Variants in RHBDF2 observed in about 807,000 individuals in gnomAD.
RHBDF2 encodes the protein inactive rhomboid protein 2.
In RHBDF2, 38 loss-of-function variants were observed where a neutral mutation model predicts 95.2. The observed-to-expected ratio is 0.40, with a 90% CI of 0.31 to 0.52. The LOEUF is 0.52. RHBDF2 is among the 20% of genes least tolerant of loss of function. The pLI, the probability that RHBDF2 is intolerant of heterozygous loss-of-function variation, is 0.56. For synonymous variants in RHBDF2, 442 were observed against 462.0 expected, an observed-to-expected ratio of 0.96 and a Z score of 0.55; for missense variants, 863 against 1,137.7, an observed-to-expected ratio of 0.76 and a Z score of 3.47.
chr17:76,492,007 C>A (rs1339120838), intron 1 of RHBDF2, among the ~76,000 whole-genome samples: 1 of 152,202 alleles, frequency 6.6e-6, no homozygotes, highest in Non-Finnish European at 1.5e-5. Flanking sequence ...CTCTCTAAGA[C>A]CCCCAGGCCC....
intron 2 of RHBDF2, among the ~76,000 whole-genome samples, chr17:76,486,961 T>C: frequency 6.9e-6 from 1 of 144,032 alleles, no homozygotes; most frequent in Non-Finnish European, 1.5e-5. Flanking sequence ...CCTTTTTTTT[T>C]TTTTTTTTTT....
chr17:76,478,880 A>G lies in RHBDF2; in HGVS notation c.598T>C (p.Tyr200His). ...LTSFTSVRSG[Y>H]SHLPRRKRMS... ...CTCTTGCGGCGTGGCAGGTGGGAGT[A>G]GCCAGAACGGACACTGGTGAAGGAG... Residue 200 changes from tyrosine to histidine, a missense_variant, in exon 6 of 19, where the codon TAC becomes CAC. Tyr to His is a moderately conservative substitution (Grantham distance 83). This residue lies in a region of RHBDF2 where 611 missense variants were observed against 725.5 expected (regional missense o/e 0.84). Coordinates refer to ENST00000675367, the MANE Select transcript of RHBDF2 (RefSeq NM_001005498.4). 2.5e-6 allele frequency: 4 copies of G among 1,613,214 alleles called. No individual in the cohort carries two copies. Among genetic ancestry groups the G allele is most frequent in the Non-Finnish European group, 3.4e-6 (4 of 1,179,612 alleles).
intron 2 of RHBDF2, among the ~76,000 whole-genome samples, chr17:76,483,045 T>G (rs376445221): frequency 1.2e-4 from 19 of 152,236 alleles, no homozygotes; most frequent in Middle Eastern, 3.4e-3. Context: ...GCCTCATTCC[T>G]GTAGTTCCAG....
At position 76,474,289 on chromosome 17, in the gene RHBDF2, G is replaced by A. The variant is rs1012506450; in HGVS notation, c.1464+84C>T. 6 of 1,483,068 alleles carry A rather than the reference G, an allele frequency of 4.0e-6. No homozygotes were observed. In the African/African-American group the frequency reaches 6.9e-5, roughly 17 times the overall value. 91.9% of individuals were successfully genotyped at this position (1,483,068 alleles called of 1,614,324 possible). ...AGGTGGGGCGGGGAGGAGGGAACGT[G>A]GTCACTGCCCTTGAAGGACAGGGCA... On this transcript the variant is annotated intron_variant, in intron 12 of 18. Coordinates refer to ENST00000675367, the MANE Select transcript of RHBDF2 (RefSeq NM_001005498.4).
In RHBDF2 at chr17:76,501,420, C is replaced by T. The variant is rs1353675946; in HGVS notation, c.-287G>A. The T allele has an allele frequency of 6.6e-6, 1 of 152,608 alleles. No individual in the cohort carries two copies. Among genetic ancestry groups the T allele is most frequent in the African/African-American group, 2.4e-5 (1 of 41,430 alleles). 9.5% of individuals were successfully genotyped at this position (152,608 alleles called of 1,614,324 possible). ...GCCTGCGAGCGGCTGGGCGGTGGCT[C>T]CTCGGGGGCGGGGCGGCGGCGCTCC... On this transcript the variant is annotated 5_prime_UTR_variant, in exon 1 of 19. Transcript: ENST00000675367.
At chr17:76,475,676 G>A (rs2073751256) in intron 9 of RHBDF2, among the ~76,000 whole-genome samples, 7 of 151,808 alleles carry the variant, frequency 4.6e-5, no homozygotes, top group Non-Finnish European at 4.4e-5. Flanking sequence ...TTCGCCCCCA[G>A]GTTCAAGCGA....
intron 3 of RHBDF2, 53 bp downstream of exon 3, chr17:76,481,322 G>C (rs1334794229): frequency 3.2e-6 from 5 of 1,560,526 alleles, no homozygotes; most frequent in Non-Finnish European, 4.3e-6. Context: ...GTGTCACGTG[G>C]GTACATCTGT....
At chr17:76,476,527 T>G in intron 9 of RHBDF2, 6 of 332,820 alleles carry the variant, frequency 1.8e-5, no homozygotes, top group Non-Finnish European at 2.2e-5. Context: ...GGGGTTCCAT[T>G]TTAGGGCCTG....
chr17:76,498,787 A>AGT (rs1315013148), intron 1 of RHBDF2, among the ~76,000 whole-genome samples: 1 of 52,808 alleles, frequency 1.9e-5, no homozygotes. Context: ...GGAGAGAAAG[A>AGT]GAGTGTGTGT....
chr17:76,474,076 C>A lies in RHBDF2; in HGVS notation c.1531G>T (p.Gly511Cys). ...ACAGCCCCCGAAGTCCGCTTCTGGC[C>A]CAGATCAGACTTGTCCATGGGGGGC... ...TGPPMDKSDL[G>C]QKRTSGAVCH... is the part of the protein sequence containing the mutation. Residue 511 changes from glycine (G) to cysteine (C), a missense_variant, in exon 13 of 19, where the codon GGC becomes TGC. Gly to Cys is a radical substitution (Grantham distance 159, BLOSUM62 -3). Transcript: ENST00000675367. The A allele has an allele frequency of 6.2e-7, 1 of 1,612,426 alleles. No homozygotes were observed. Among genetic ancestry groups the A allele is most frequent in the Non-Finnish European group, 8.5e-7 (1 of 1,179,670 alleles).
At chr17:76,498,481 G>A (rs1303064648) in intron 1 of RHBDF2, among the ~76,000 whole-genome samples, 1 of 152,230 alleles carries the variant, frequency 6.6e-6, no homozygotes, top group African/African-American at 2.4e-5. Flanking sequence ...CGGCAGGCGG[G>A]GGCCAGGCCC....
In RHBDF2 at chr17:76,487,797, A is replaced by G. The variant is rs1295155883; in HGVS notation, c.-107T>C. 1 of 152,252 alleles carries G rather than the reference A, an allele frequency of 6.6e-6. No homozygotes were observed. The highest frequency in any genetic ancestry group is 1.5e-5 in the Non-Finnish European group (1 of 68,128). 9.4% of individuals were successfully genotyped at this position (152,252 alleles called of 1,614,324 possible). ...TTCTTGTCTTCTCCTTGCTCTGTAC[A>G]GATGCTCCGGTGTCAAGCCTCAGTC... On this transcript the variant is annotated 5_prime_UTR_variant, in exon 2 of 19. Transcript: ENST00000675367.
chr17:76,496,435 G>T (rs2074428300), intron 1 of RHBDF2, among the ~76,000 whole-genome samples: 1 of 152,232 alleles, frequency 6.6e-6, no homozygotes, highest in South Asian at 2.1e-4. Flanking sequence ...ACACTCTGCA[G>T]CCTCTTGCCA....
intron 1 of RHBDF2, chr17:76,501,020 C>T (rs960162819): frequency 6.6e-6 from 1 of 152,338 alleles, no homozygotes; most frequent in Non-Finnish European, 1.5e-5. Context: ...AGTCTCCTCT[C>T]TTCCTCCGGA....
rs1185462097 is a variant in RHBDF2 at position 76,486,969 on chromosome 17, T to TTG, written c.-22+742_-22+743insCA. Among the ~76,000 whole-genome samples, 7 of 146,918 alleles carry TTG rather than the reference T, an allele frequency of 4.8e-5. No homozygotes were observed. In the East Asian group the frequency reaches 1.4e-3, roughly 30 times the overall value. ...CTTCCTGCCTTTTTTTTTTTTTTTTTTTTTTTGAGACTGAGTTTCATTCTT... is the reference window on the plus strand; with the variant it reads ...CTTCCTGCCTTTTTTTTTTTTTTTTTTGTTTTTTGAGACTGAGTTTCATTCTT... On this transcript the variant is annotated intron_variant, in intron 2 of 18. Coordinates refer to ENST00000675367, the MANE Select transcript of RHBDF2 (RefSeq NM_001005498.4).
chr17:76,481,680 C>T (rs1200309193), intron 2 of RHBDF2, 135 bp from the exon 3 acceptor site: 15 of 757,706 alleles, frequency 2.0e-5, no homozygotes, highest in African/African-American at 1.6e-4. Context: ...GGCGGCTGGG[C>T]GCGGTGGCTC....
At chr17:76,474,840 C>T (rs1361959602) in intron 10 of RHBDF2, 36 bp from the exon 11 acceptor site, 1 of 1,601,052 alleles carries the variant, frequency 6.2e-7, no homozygotes, top group Non-Finnish European at 8.5e-7. Context: ...GGCGTCAGAA[C>T]AGTGTGGGCC....
chr17:76,474,745 C>T lies in RHBDF2; in HGVS notation c.1287G>A (p.Trp429Ter). The change falls in exon 11 of 19, where the codon TGG becomes TGA. Residue 429 changes from tryptophan (W) to a stop codon, truncating the protein, a stop_gained. Coordinates refer to ENST00000675367, the MANE Select transcript of RHBDF2 (RefSeq NM_001005498.4). LOFTEE classifies it high-confidence loss of function. ...GGGCCCTCACCGAGCTGGGGCCAAC[C>T]CAGAAGTTCTCCTGCTGGATGTACT... Reference protein sequence around the residue: ...SVKYIQQENFWVGPSSIDLIH... With the variant: ...SVKYIQQENF 6.2e-7 allele frequency: 1 copy of T among 1,614,174 alleles called. No individual in the cohort carries two copies. The highest frequency in any genetic ancestry group is 8.5e-7 in the Non-Finnish European group (1 of 1,180,024).
intron 1 of RHBDF2, among the ~76,000 whole-genome samples, chr17:76,499,547 C>T (rs1490477962): frequency 6.6e-6 from 1 of 152,198 alleles, no homozygotes; most frequent in Non-Finnish European, 1.5e-5. Context: ...AGCAGCTGGG[C>T]CCACTCCAGG....
Sources: gnomAD v4.1 joint callset for allele counts (sites outside exome capture counted in the v4.1 genomes callset) on GRCh38, gnomAD v4.1.1 for gene constraint, gnomAD v4.1.1 regional missense constraint, MANE v1.5 for transcripts, NCBI Gene and HGNC (gene_info 2026-07-23, HGNC 2026-07-21) for gene names.